TP63: variants seen among roughly 807,000 people sequenced by gnomAD.
The protein encoded by TP63 is tumor protein 63.
In TP63, 17 loss-of-function variants were observed where a neutral mutation model predicts 82.8. The observed-to-expected ratio is 0.21, with a 90% confidence interval of 0.14 to 0.31. TP63 has a LOEUF of 0.31. TP63 is among the 10% of genes least tolerant of loss of function. TP63 has a pLI of 1.00. For synonymous variants in TP63, 330 were observed against 321.7 expected (o/e 1.03, Z -0.28); for missense variants, 648 against 895.3 (o/e 0.72, Z 3.52).
Position 189,896,567 on chromosome 3 carries a change from C to A in TP63, c.*2065C>A, listed in dbSNP as rs1721490944. 1 of 211,368 alleles carries A rather than the reference C, an allele frequency of 4.7e-6. No homozygotes were observed. The highest frequency in any genetic ancestry group is 2.3e-5 in the African/African-American group (1 of 44,062). 13.1% of individuals were successfully genotyped at this position (211,368 alleles called of 1,614,324 possible). On this transcript the variant is annotated 3_prime_UTR_variant, in exon 14 of 14. Transcript: ENST00000264731. ...TGCAACAAGCATGCAGCTTTGCAAA[C>A]CCATTAAGGGGAAGAATGAAAGCTG...
chr3:189,610,449 G>C, the TP63 span, among the ~76,000 whole-genome samples: 3 of 152,084 alleles, frequency 2.0e-5, no homozygotes, highest in Admixed American at 6.5e-5. Context: ...TCTAGGGCAG[G>C]GGCAAAATTC....
intron 3 of TP63, 100 bp downstream of exon 3, chr3:189,738,874 A>G: frequency 6.5e-7 from 1 of 1,530,310 alleles, no homozygotes; most frequent in Non-Finnish European, 8.9e-7. Flanking sequence ...GGTGGCTCTG[A>G]ATGGCCAAGG....
At chr3:189,894,091 T>C (rs1368367841) in intron 13 of TP63, 115 bp from the exon 14 acceptor site, 65 of 1,318,192 alleles carry the variant, frequency 4.9e-5, no homozygotes, top group Non-Finnish European at 6.8e-5. Flanking sequence ...AATTTGTGGA[T>C]CAATAGATTC....
chr3:189,629,452 C>T (rs140970455), upstream of TP63, among the ~76,000 whole-genome samples: 2,041 of 152,132 alleles, frequency 0.013, 24 homozygotes, highest in East Asian at 0.044. Flanking sequence ...ACACAACACA[C>T]TAGAGATGTT....
upstream of TP63, among the ~76,000 whole-genome samples, chr3:189,628,115 C>T (rs71308970): frequency 6.6e-6 from 1 of 151,918 alleles, no homozygotes; most frequent in Admixed American, 6.6e-5. Context: ...AATAGCTAGA[C>T]TCCAGGAAGA....
At chr3:189,868,162 C>T (rs1026128779) in intron 7 of TP63, among the ~76,000 whole-genome samples, 1 of 152,176 alleles carries the variant, frequency 6.6e-6, no homozygotes, top group African/African-American at 2.4e-5. Flanking sequence ...GAAAAGTGTG[C>T]AAGTCACTTC....
chr3:189,892,567 C>T lies in TP63; in HGVS notation c.1747-1639C>T, dbSNP rs541842262. Reference sequence around the variant, plus strand: ...CAGCACTTTGGGAGGCCGAGGCAGGCGGATCACGAGGTCAGGAGACCGAGA... The same window carrying T: ...CAGCACTTTGGGAGGCCGAGGCAGGTGGATCACGAGGTCAGGAGACCGAGA... On this transcript the variant is annotated intron_variant, in intron 13 of 13. Transcript: ENST00000264731. Among the ~76,000 whole-genome samples, 7 of 152,142 alleles carry T rather than the reference C, an allele frequency of 4.6e-5. No individual in the cohort carries two copies. The South Asian group carries it at 8.3e-4, about 18-fold the overall frequency.
At chr3:189,667,394 C>G (rs1386942916) in intron 1 of TP63, among the ~76,000 whole-genome samples, 2 of 151,944 alleles carry the variant, frequency 1.3e-5, no homozygotes, top group African/African-American at 4.8e-5. Flanking sequence ...AGGCTGTTCT[C>G]AAGTTCCTGA....
chr3:189,781,319 G>A (rs948986167), intron 3 of TP63, among the ~76,000 whole-genome samples: 1 of 152,146 alleles, frequency 6.6e-6, no homozygotes, highest in Admixed American at 6.5e-5. Context: ...ATCCACCCTC[G>A]TGGTTCATGA....
chr3:189,725,997 G>A lies in TP63; in HGVS notation c.63-11743G>A, dbSNP rs187025103. Among the ~76,000 whole-genome samples, 1,078 of 149,986 alleles carry A rather than the reference G, an allele frequency of 7.2e-3. 9 individuals are homozygous for A. Among genetic ancestry groups the A allele is most frequent in the Non-Finnish European group, 0.011 (758 of 67,524 alleles). ...TTGAACCCAAGAGCCGGAGGTTGCA[G>A]TGAGCCGAGATCATGCCATTGCACT... is the stretch of plus-strand genomic sequence containing the variant. On this transcript the variant is annotated intron_variant, in intron 1 of 13. Transcript: ENST00000264731.
intron 1 of TP63, among the ~76,000 whole-genome samples, chr3:189,642,546 A>ATT (rs539201911): frequency 2.0e-5 from 3 of 149,748 alleles, no homozygotes; most frequent in Non-Finnish European, 3.0e-5. Context: ...CTATATGTCT[A>ATT]TTTTTTTTTT....
In TP63 at chr3:189,751,414, G is replaced by A. The variant is rs1335993894; in HGVS notation, c.324+12640G>A. On this transcript the variant is annotated intron_variant, in intron 3 of 13. Coordinates refer to ENST00000264731, the MANE Select transcript of TP63 (RefSeq NM_003722.5). Reference sequence around the variant, plus strand: ...TGCCACACTGTCTTCCACAATGGTTGAACTAATTTACACTCCTACCAACAG... The same window carrying A: ...TGCCACACTGTCTTCCACAATGGTTAAACTAATTTACACTCCTACCAACAG... Among the ~76,000 whole-genome samples, 15 of 152,260 alleles carry A rather than the reference G, an allele frequency of 9.9e-5. No individual in the cohort carries two copies. The East Asian group carries it at 2.9e-3, about 29-fold the overall frequency.
At chr3:189,889,229 AAGGCTGGTAGTTT>A (rs544676348) in intron 11 of TP63, 98 bp from the exon 12 acceptor site, 3 of 1,489,656 alleles carry the variant, frequency 2.0e-6, no homozygotes, top group Admixed American at 1.7e-5. Flanking sequence ...ATTAAAAAGG[AAGGCTGGTAGTTT>A]AGGCCCTTGA....
At chr3:189,850,740 A>T (rs950534790) in intron 4 of TP63, among the ~76,000 whole-genome samples, 1 of 152,234 alleles carries the variant, frequency 6.6e-6, no homozygotes, top group South Asian at 2.1e-4. Flanking sequence ...TAATAAAAAT[A>T]AAAAAAATTT....
At chr3:189,741,950 A>G (rs1274519399) in intron 3 of TP63, among the ~76,000 whole-genome samples, 1 of 152,150 alleles carries the variant, frequency 6.6e-6, no homozygotes, top group African/African-American at 2.4e-5. Context: ...GTTGTCAAGT[A>G]TATTACTTTA....
intron 1 of TP63, among the ~76,000 whole-genome samples, chr3:189,707,009 C>T (rs1176779711): frequency 6.6e-6 from 1 of 151,102 alleles, no homozygotes; most frequent in South Asian, 2.1e-4. Flanking sequence ...TTTGCTAGCT[C>T]ACTTTCTTAA....
chr3:189,821,610 C>T (rs1250606073), intron 4 of TP63, among the ~76,000 whole-genome samples: 1 of 152,194 alleles, frequency 6.6e-6, no homozygotes, highest in Non-Finnish European at 1.5e-5. Flanking sequence ...AAAGCATTCC[C>T]AACTAACAGA....
chr3:189,669,412 C>T (rs1416174041), intron 1 of TP63, among the ~76,000 whole-genome samples: 2 of 150,312 alleles, frequency 1.3e-5, no homozygotes, highest in Non-Finnish European at 3.0e-5. Context: ...GGAAATTATA[C>T]CAGACAAAAA....
chr3:189,745,700 C>A (rs1577341156), intron 3 of TP63, among the ~76,000 whole-genome samples: 2 of 108,396 alleles, frequency 1.8e-5, no homozygotes, highest in Non-Finnish European at 1.7e-5. Context: ...AGAGCAGAAA[C>A]TCCATCTCAA....
Sources: gnomAD v4.1 joint callset for allele counts (sites outside exome capture counted in the v4.1 genomes callset) on GRCh38, gnomAD v4.1.1 for gene constraint, MANE v1.5 for transcripts, NCBI Gene and HGNC (gene_info 2026-07-23, HGNC 2026-07-21) for gene names.